The following DNAJC15 variants were observed in gnomAD, a reference collection of about 807,000 sequenced individuals.
The protein encoded by DNAJC15 is dnaJ homolog subfamily C member 15.
Under a neutral mutation model 22.4 loss-of-function variants are expected in DNAJC15, and 27 were observed. That is an observed-to-expected ratio of 1.20 (90% confidence interval 0.89 to 1.66). The LOEUF (loss-of-function observed/expected upper bound fraction) is 1.66, where lower values mean the gene tolerates loss of function less well. Ranked by LOEUF, DNAJC15 falls within the 40% of genes most tolerant of loss-of-function variation. The probability of loss-of-function intolerance (pLI) is 0.00; values close to 1 mark genes in which losing one functional copy is unlikely to be tolerated. For missense variants in DNAJC15, 208 were observed against 187.1 expected, an observed-to-expected ratio of 1.11 and a Z score of -0.65; for synonymous variants, 79 against 63.2, an observed-to-expected ratio of 1.25 and a Z score of -1.19.
chr13:43,044,932 A>C (rs151163935), intron 1 of DNAJC15, among the ~76,000 whole-genome samples: 154 of 152,158 alleles, frequency 1.0e-3, no homozygotes, highest in African/African-American at 3.5e-3. Flanking sequence ...TCTACAATCT[A>C]TTCTCAACAT....
chr13:43,054,663 C>G (rs373959957), intron 1 of DNAJC15, among the ~76,000 whole-genome samples: 2 of 152,174 alleles, frequency 1.3e-5, no homozygotes, highest in African/African-American at 4.8e-5. Flanking sequence ...ATTTATCCAT[C>G]TCCTCTAGGT....
intron 3 of DNAJC15, among the ~76,000 whole-genome samples, chr13:43,071,493 A>G (rs1052073036): frequency 2.2e-4 from 34 of 152,334 alleles, no homozygotes; most frequent in African/African-American, 7.2e-4. Flanking sequence ...TTATATTTTT[A>G]CCTCAGGAAA....
rs1441186956 is a variant in DNAJC15 at position 43,112,726 on chromosome 13, C to G, written c.*5478C>G. On this transcript the variant is annotated 3_prime_UTR_variant, in exon 6 of 6. Coordinates refer to ENST00000379221, the MANE Select transcript of DNAJC15 (RefSeq NM_013238.3). ...AAACAGGCTCAGAGGAGTTTAGGAT[C>G]TTTTCCAAGATTACATAGCCAGTAA... is the stretch of plus-strand genomic sequence containing the variant. 2 of 152,150 alleles carry G rather than the reference C, an allele frequency of 1.3e-5. No individual in the cohort carries two copies. The highest frequency in any genetic ancestry group is 3.8e-4 in the East Asian group (2 of 5,198). The allele number at this position is 152,150 out of a possible 1,614,324, so 9.4% of individuals were successfully genotyped here.
chr13:43,066,178 G>A (rs141202835), intron 2 of DNAJC15, among the ~76,000 whole-genome samples: 1 of 152,034 alleles, frequency 6.6e-6, no homozygotes, highest in Admixed American at 6.5e-5. Flanking sequence ...TAAACATATT[G>A]GTATAATTAC....
intron 1 of DNAJC15, among the ~76,000 whole-genome samples, chr13:43,024,337 G>GTTTTTTTTTT (rs376910976): frequency 2.8e-4 from 26 of 93,384 alleles, no homozygotes; most frequent in Admixed American, 3.1e-4. Context: ...GTATTTTTAC[G>GTTTTTTTTTT]TTTTTTTTTT....
chr13:43,073,444 T>A (rs182530470), intron 3 of DNAJC15, among the ~76,000 whole-genome samples: 1 of 151,734 alleles, frequency 6.6e-6, no homozygotes, highest in East Asian at 1.9e-4. Flanking sequence ...ATAAGATGCG[T>A]ATCAGAAAAA....
At position 43,109,750 on chromosome 13, in the gene DNAJC15, T is replaced by C. The variant is rs542090663; in HGVS notation, c.*2502T>C. On this transcript the variant is annotated 3_prime_UTR_variant, in exon 6 of 6. Transcript: ENST00000379221. ...GGGGGAGGGATCGCATTTGGAGATATACTAATGTAAATGACAAGTTAATTG... is the reference window on the plus strand; with the variant it reads ...GGGGGAGGGATCGCATTTGGAGATACACTAATGTAAATGACAAGTTAATTG... 2.0e-5 allele frequency: 3 copies of C among 152,278 alleles called. No homozygotes were observed. The highest frequency in any genetic ancestry group is 4.8e-5 in the African/African-American group (2 of 41,562). The allele number at this position is 152,278 out of a possible 1,614,324, so 9.4% of individuals were successfully genotyped here.
chr13:43,095,133 A>G (rs1317485669), intron 5 of DNAJC15, among the ~76,000 whole-genome samples: 1 of 152,186 alleles, frequency 6.6e-6, no homozygotes, highest in African/African-American at 2.4e-5. Flanking sequence ...AGACAGTATG[A>G]CAAATTAATT....
intron 1 of DNAJC15, among the ~76,000 whole-genome samples, chr13:43,061,316 C>T (rs1045929724): frequency 2.0e-5 from 3 of 152,100 alleles, no homozygotes; most frequent in African/African-American, 7.2e-5. Flanking sequence ...GAAGTTTGAA[C>T]GCTAGCTGCT....
rs1240137210 is a variant in DNAJC15, at chr13:43,108,478, A to C, written c.*1230A>C. 6.6e-6 allele frequency: 1 copy of C among 152,200 alleles called. No homozygotes were observed. The highest frequency in any genetic ancestry group is 2.4e-5 in the African/African-American group (1 of 41,450). The allele number at this position is 152,200 out of a possible 1,614,324, so 9.4% of individuals were successfully genotyped here. On this transcript the variant is annotated 3_prime_UTR_variant, in exon 6 of 6. Transcript: ENST00000379221. ...CAGCATTGTTTCCCAGTATTCCTTT[A>C]CAAATCTTGGGTTCATTCCAGGTAA...
At chr13:43,056,336 C>T (rs1046344887) in intron 1 of DNAJC15, among the ~76,000 whole-genome samples, 1 of 152,050 alleles carries the variant, frequency 6.6e-6, no homozygotes, top group Non-Finnish European at 1.5e-5. Flanking sequence ...CATGGTTTCA[C>T]CATGTTGGTC....
chr13:43,065,588 TGTA>T (rs1312251659), intron 1 of DNAJC15, 95 bp from the exon 2 acceptor site: 4 of 968,708 alleles, frequency 4.1e-6, no homozygotes, highest in Non-Finnish European at 6.5e-6. Context: ...TTAAAGAAAG[TGTA>T]GTATTGTAAT....
intron 2 of DNAJC15, among the ~76,000 whole-genome samples, chr13:43,066,299 G>T (rs920633980): frequency 1.4e-4 from 22 of 151,828 alleles, no homozygotes; most frequent in African/African-American, 5.3e-4. Context: ...CCTTCCAGAG[G>T]CTCTGGGGAG....
At position 43,112,115 on chromosome 13, in the gene DNAJC15, T is replaced by G. The variant is rs973310581; in HGVS notation, c.*4867T>G. The G allele has an allele frequency of 9.2e-5, 14 of 152,246 alleles. No individual in the cohort carries two copies. The highest frequency in any genetic ancestry group is 3.1e-4 in the African/African-American group (13 of 41,470). The allele number at this position is 152,246 out of a possible 1,614,324, so 9.4% of individuals were successfully genotyped here. A position where few individuals can be genotyped will look rare whatever the true frequency, so the allele number is the denominator to read the frequency against. On this transcript the variant is annotated 3_prime_UTR_variant, in exon 6 of 6. Transcript: ENST00000379221. ...TGATTTTTTATGAGCTGAGTAGCTA[T>G]TGTTCCCAGCTGAGTGCTCTTTTCC...
chr13:43,025,839 G>T (rs957027332), intron 1 of DNAJC15, among the ~76,000 whole-genome samples: 4 of 152,224 alleles, frequency 2.6e-5, no homozygotes, highest in Non-Finnish European at 5.9e-5. Context: ...AGGGGGCAGA[G>T]GTTGCAGTGA....
At chr13:43,050,520 G>A (rs1021157680) in intron 1 of DNAJC15, among the ~76,000 whole-genome samples, 1 of 151,704 alleles carries the variant, frequency 6.6e-6, no homozygotes, top group Admixed American at 6.6e-5. Context: ...TCACTCCTGG[G>A]CTAAATCAGT....
At chr13:43,094,226 C>A (rs1255117833) in intron 5 of DNAJC15, among the ~76,000 whole-genome samples, 1 of 150,938 alleles carries the variant, frequency 6.6e-6, no homozygotes, top group African/African-American at 2.5e-5. Context: ...TAACGTCATT[C>A]ATTGGTCAAA....
intron 1 of DNAJC15, among the ~76,000 whole-genome samples, chr13:43,060,164 A>C (rs2040551637): frequency 2.0e-5 from 3 of 152,060 alleles, no homozygotes; most frequent in Admixed American, 2.0e-4. Context: ...AGCGGCGAAA[A>C]ATTTTGGGGG....
At position 43,110,435 on chromosome 13, in the gene DNAJC15, T is replaced by G. The variant is rs1489432844; in HGVS notation, c.*3187T>G. On this transcript the variant is annotated 3_prime_UTR_variant, in exon 6 of 6. Coordinates refer to ENST00000379221, the MANE Select transcript of DNAJC15 (RefSeq NM_013238.3). ...GACTGAAGGAATCAGTGCTCATCTT[T>G]AATATGCAGCAGGACAGGTTTGGGA... 3 of 152,230 alleles carry G rather than the reference T, an allele frequency of 2.0e-5. No individual in the cohort carries two copies. Among genetic ancestry groups the G allele is most frequent in the Non-Finnish European group, 4.4e-5 (3 of 68,060 alleles). The allele number at this position is 152,230 out of a possible 1,614,324, so 9.4% of individuals were successfully genotyped here.
Sources: allele counts gnomAD v4.1 joint callset (sites outside exome capture counted in the v4.1 genomes callset), GRCh38; gene constraint gnomAD v4.1.1; transcripts MANE v1.5; gene names NCBI Gene and HGNC (gene_info 2026-07-23, HGNC 2026-07-21).